Variants in HMCN1 observed in about 807,000 individuals in gnomAD.
The protein encoded by HMCN1 is hemicentin-1.
Under a neutral mutation model 625.9 loss-of-function variants are expected in HMCN1, and 321 were observed. That is an observed-to-expected ratio of 0.51 (90% CI 0.47 to 0.56). The LOEUF is 0.56. HMCN1 is among the 20% of genes least tolerant of loss of function. The pLI, the probability that HMCN1 is intolerant of heterozygous loss-of-function variation, is 0.00. For missense variants in HMCN1, 6,588 were observed against 6,887.3 expected, an observed-to-expected ratio of 0.96 and a Z score of 1.54; for synonymous variants, 2,425 against 2,417.6, an observed-to-expected ratio of 1.00 and a Z score of -0.09.
rs199898360 is a variant in HMCN1 at position 186,094,380 on chromosome 1, G to A, written c.10294+7G>A. The A allele has an allele frequency of 5.2e-5, 83 of 1,602,048 alleles. No individual in the cohort carries two copies. The East Asian group carries it at 1.8e-3, about 34-fold the overall frequency. ...TACAATCTTCAAGTGTTTGGTATGT[G>A]TCACAGAAATGACCCTATTACTTTG... On this transcript the variant is annotated splice_region_variant and intron_variant, in intron 67 of 106. Coordinates refer to ENST00000271588, the MANE Select transcript of HMCN1 (RefSeq NM_031935.3).
intron 1 of HMCN1, among the ~76,000 whole-genome samples, chr1:185,793,848 T>C (rs572124563): frequency 4.6e-4 from 70 of 152,186 alleles, no homozygotes; most frequent in Non-Finnish European, 8.1e-4. Flanking sequence ...TTGAGAATAC[T>C]GGAATGCCAT....
intron 4 of HMCN1, among the ~76,000 whole-genome samples, chr1:185,867,420 GA>G (rs1454283139): frequency 6.6e-6 from 1 of 152,182 alleles, no homozygotes; most frequent in Non-Finnish European, 1.5e-5. Flanking sequence ...TGAACCTAAA[GA>G]AGGAAAAACT....
At chr1:186,117,722 A>G (rs1250867754) in intron 77 of HMCN1, 99 bp downstream of exon 77, 2 of 1,149,652 alleles carry the variant, frequency 1.7e-6, no homozygotes, top group African/African-American at 1.5e-5. Flanking sequence ...AGAATAAAAT[A>G]TGCATGCATT....
Position 186,053,143 on chromosome 1 carries a change from A to C in HMCN1, c.6700+69A>C, listed in dbSNP as rs921871280. ...AGATGGATATTGATTTCGTTTAATA[A>C]ATGTGTTAGATTATAAACAAATTTT... On this transcript the variant is annotated intron_variant, in intron 43 of 106. Transcript: ENST00000271588. The C allele has an allele frequency of 4.9e-6, 7 of 1,424,524 alleles. No individual in the cohort carries two copies. In the Admixed American group the frequency reaches 1.0e-4, roughly 21 times the overall value. The allele number at this position is 1,424,524 out of a possible 1,614,324, so 88.2% of individuals were successfully genotyped here.
rs531013588 is a variant in HMCN1, at chr1:186,035,771, G to A, written c.5750-2163G>A. ...AAAATACTTTATTGGCATTTCATGG[G>A]CTAATATCTCATTTTGAAAACATTC... On this transcript the variant is annotated intron_variant, in intron 36 of 106. Transcript: ENST00000271588. Among the ~76,000 whole-genome samples, 122 of 151,906 alleles carry A rather than the reference G, an allele frequency of 8.0e-4. 1 individual carries two copies. Among genetic ancestry groups the A allele is most frequent in the African/African-American group, 2.9e-3 (120 of 41,444 alleles).
chr1:185,810,680 GT>G (rs1482334980), intron 1 of HMCN1, among the ~76,000 whole-genome samples: 1 of 151,872 alleles, frequency 6.6e-6, no homozygotes, highest in Non-Finnish European at 1.5e-5. Context: ...GTGTGTGTGT[GT>G]GTGTGTGTAT....
chr1:186,184,220 A>C (rs1370339322), intron 105 of HMCN1, among the ~76,000 whole-genome samples: 2 of 152,220 alleles, frequency 1.3e-5, no homozygotes, highest in African/African-American at 4.8e-5. Flanking sequence ...GGTTTTAAAA[A>C]GACTTGAGAG....
intron 2 of HMCN1, 142 bp downstream of exon 2, chr1:185,846,238 C>A: frequency 1.5e-6 from 1 of 670,198 alleles, no homozygotes; most frequent in Admixed American, 2.4e-5. Context: ...CAGCCCTCAA[C>A]CTGAGTCTGG....
chr1:185,739,226 C>T (rs956297419), intron 1 of HMCN1, among the ~76,000 whole-genome samples: 4 of 152,190 alleles, frequency 2.6e-5, no homozygotes, highest in Non-Finnish European at 4.4e-5. Flanking sequence ...GTGTAGTATT[C>T]CATGGTGTAT....
chr1:185,793,160 AT>A (rs1421789636), intron 1 of HMCN1, among the ~76,000 whole-genome samples: 1 of 152,170 alleles, frequency 6.6e-6, no homozygotes, highest in Non-Finnish European at 1.5e-5. Context: ...GTTTTCTATT[AT>A]TGCTGTAATA....
At chr1:185,771,799 G>C (rs960164549) in intron 1 of HMCN1, among the ~76,000 whole-genome samples, 15 of 152,076 alleles carry the variant, frequency 9.9e-5, no homozygotes, top group African/African-American at 3.6e-4. Context: ...TACAGATAGA[G>C]GTAATTCATC....
intron 4 of HMCN1, 26 bp downstream of exon 4, chr1:185,865,889 T>G: frequency 1.2e-6 from 2 of 1,611,718 alleles, no homozygotes; most frequent in South Asian, 2.2e-5. Flanking sequence ...GGAGTCTACT[T>G]TATTACCAGC....
In HMCN1 at chr1:186,003,834, A is replaced by G. The variant is rs752645378; in HGVS notation, c.4465A>G (p.Lys1489Glu). ...TCCCTTTCCTGATATTCATTGGTTC[A>G]AAGATGGCAAGTGAGTATCTTTTCT... Reference protein sequence around the residue: ...GTPFPDIHWFKDGKPLFLGDP... With the variant: ...GTPFPDIHWFEDGKPLFLGDP... The change falls in exon 29 of 107, where the codon AAA (lysine) becomes GAA (glutamate). Residue 1489 changes from lysine (K) to glutamate (E), a missense_variant. Physicochemically the swap from Lys to Glu is moderately conservative, Grantham distance 56 (BLOSUM62 1). This residue lies in a region of HMCN1 where 4,628 missense variants were observed against 4,853.1 expected (regional missense o/e 0.95). Transcript: ENST00000271588. 1.9e-6 allele frequency: 3 copies of G among 1,613,292 alleles called. No individual in the cohort carries two copies. The highest frequency in any genetic ancestry group is 8.5e-7 in the Non-Finnish European group (1 of 1,179,406).
chr1:186,092,674 A>G (rs1472041465), intron 64 of HMCN1, among the ~76,000 whole-genome samples: 2 of 152,000 alleles, frequency 1.3e-5, no homozygotes, highest in Non-Finnish European at 2.9e-5. Flanking sequence ...TTTGCAAAAT[A>G]TAGCCACATA....
chr1:186,150,898 A>T (rs890685288), intron 93 of HMCN1, among the ~76,000 whole-genome samples: 2 of 151,826 alleles, frequency 1.3e-5, no homozygotes, highest in African/African-American at 4.8e-5. Context: ...CACCACCAAC[A>T]TATTCTTTAT....
intron 97 of HMCN1, among the ~76,000 whole-genome samples, chr1:186,164,515 T>G (rs565550579): frequency 1.3e-5 from 2 of 152,162 alleles, no homozygotes; most frequent in Non-Finnish European, 2.9e-5. Flanking sequence ...AGTGCTGGGA[T>G]TACAGGCATG....
chr1:185,902,853 A>G (rs534019427), intron 4 of HMCN1, among the ~76,000 whole-genome samples: 1 of 151,718 alleles, frequency 6.6e-6, no homozygotes, highest in East Asian at 1.9e-4. Context: ...ATGTATTTTT[A>G]TAACTTTTTT....
intron 4 of HMCN1, among the ~76,000 whole-genome samples, chr1:185,904,178 A>G (rs1665967122): frequency 6.6e-6 from 1 of 151,788 alleles, no homozygotes; most frequent in Non-Finnish European, 1.5e-5. Context: ...ATAAATGCTT[A>G]GTGACTTCTA....
intron 4 of HMCN1, among the ~76,000 whole-genome samples, chr1:185,871,066 C>A (rs374412645): frequency 6.6e-6 from 1 of 152,084 alleles, no homozygotes; most frequent in Middle Eastern, 3.4e-3. Context: ...CCTGTCTCTA[C>A]TAAAATACAA....
Sources: gnomAD v4.1 joint callset for allele counts (sites outside exome capture counted in the v4.1 genomes callset) on GRCh38, gnomAD v4.1.1 for gene constraint, gnomAD v4.1.1 regional missense constraint, MANE v1.5 for transcripts, NCBI Gene and HGNC (gene_info 2026-07-23, HGNC 2026-07-21) for gene names.